UGT1A6: variants seen among roughly 807,000 people sequenced by gnomAD.
UGT1A6 encodes UDP-glucuronosyltransferase 1A6.
Under a neutral mutation model 44.4 loss-of-function variants are expected in UGT1A6, and 32 were observed. The ratio of observed to expected loss-of-function variants is 0.72; its 90% CI spans 0.54 to 0.97. UGT1A6 has a LOEUF of 0.97. UGT1A6 is among the 50% of genes least tolerant of loss of function. The probability of loss-of-function intolerance (pLI) is 0.00; values close to 1 mark genes in which losing one functional copy is unlikely to be tolerated. For synonymous variants in UGT1A6, 238 were observed against 248.5 expected (o/e 0.96, Z 0.40); for missense variants, 685 against 661.9 (o/e 1.03, Z -0.38).
In UGT1A6 at chr2:233,769,569, G is replaced by A; in HGVS notation, c.1301+1130G>A. ...TCAGGAAGACAGATGTGAAGAGCTG[G>A]AGCATGTTCAGATGAGAGGAGACGG... On this transcript the variant is annotated intron_variant, in intron 4 of 4. Transcript: ENST00000305139. The surrounding 1 kb of genome is among the most constrained non-coding windows in gnomAD (Gnocchi z 4.4). The A allele has an allele frequency of 1.2e-6, 2 of 1,612,870 alleles. No individual in the cohort carries two copies. The highest frequency in any genetic ancestry group is 2.2e-5 in the South Asian group (2 of 91,064).
chr2:233,695,621 C>A (rs1180355344), intron 1 of UGT1A6, among the ~76,000 whole-genome samples: 1 of 152,022 alleles, frequency 6.6e-6, no homozygotes, highest in African/African-American at 2.4e-5. Context: ...GAACTCTCTA[C>A]CTCCATGAGA....
Position 233,728,434 on chromosome 2 carries a change from T to C in UGT1A6, c.861+34569T>C, listed in dbSNP as rs547972941. On this transcript the variant is annotated intron_variant, in intron 1 of 4. Transcript: ENST00000305139. ...GATAGCAGCACCTCTTCTTCCATGG[T>C]GTATATGGAGAATCCTCAACAAAGT... Among the ~76,000 whole-genome samples, 3 of 152,272 alleles carry C rather than the reference T, an allele frequency of 2.0e-5. No homozygotes were observed. In the East Asian group the frequency reaches 5.8e-4, roughly 29 times the overall value.
At chr2:233,771,408 T>C (rs1454905857) in intron 4 of UGT1A6, 2 of 152,208 alleles carry the variant, frequency 1.3e-5, no homozygotes, top group Non-Finnish European at 2.9e-5. Context: ...ATGAACACTG[T>C]CCAGAATAAA....
At chr2:233,743,936 C>A in intron 1 of UGT1A6, 1 of 1,355,864 alleles carries the variant, frequency 7.4e-7, no homozygotes, top group Non-Finnish European at 9.9e-7. Flanking sequence ...CCAGAACGGC[C>A]CACCAGGCAC....
chr2:233,769,826 G>A lies in UGT1A6; in HGVS notation c.1301+1387G>A. ...GCCGTGATCATGCCACTGCACTCCA[G>A]CAACCTGGGCAACAGAGTGAGACCC... On this transcript the variant is annotated intron_variant, in intron 4 of 4. Transcript: ENST00000305139. This position sits in a 1 kb window ranked among gnomAD's most constrained non-coding sequence, Gnocchi z 4.4. 1.5e-6 allele frequency: 1 copy of A among 678,694 alleles called. No individual in the cohort carries two copies. Among genetic ancestry groups the A allele is most frequent in the East Asian group, 3.3e-5 (1 of 29,888 alleles). The allele number at this position is 678,694 out of a possible 1,614,324, so 42.0% of individuals were successfully genotyped here.
chr2:233,718,961 C>T, intron 1 of UGT1A6: 1 of 1,614,218 alleles, frequency 6.2e-7, no homozygotes, highest in South Asian at 1.1e-5. Context: ...TGCGGGAGGC[C>T]TTGCGGGAGC....
chr2:233,762,115 C>A (rs1697973235), intron 1 of UGT1A6, among the ~76,000 whole-genome samples: 1 of 152,304 alleles, frequency 6.6e-6, no homozygotes, highest in South Asian at 2.1e-4. Flanking sequence ...CGCTTCACAT[C>A]ATGAGCCATG....
intron 1 of UGT1A6, among the ~76,000 whole-genome samples, chr2:233,714,805 A>G (rs1160418646): frequency 6.6e-6 from 1 of 152,250 alleles, no homozygotes; most frequent in Non-Finnish European, 1.5e-5. Flanking sequence ...CTCAATATTC[A>G]TATGTAGTTA....
intron 1 of UGT1A6, chr2:233,729,503 G>T: frequency 1.2e-6 from 2 of 1,614,172 alleles, no homozygotes; most frequent in Non-Finnish European, 1.7e-6. Context: ...GTCTATCATA[G>T]GTCTTGTGTG....
At chr2:233,696,454 G>T (rs1177570057) in intron 1 of UGT1A6, among the ~76,000 whole-genome samples, 1 of 152,112 alleles carries the variant, frequency 6.6e-6, no homozygotes, top group Non-Finnish European at 1.5e-5. Context: ...AAATGCTACT[G>T]ATTTTTGTAA....
intron 1 of UGT1A6, chr2:233,760,208 A>G: frequency 6.3e-7 from 1 of 1,589,248 alleles, no homozygotes; most frequent in Non-Finnish European, 8.5e-7. Flanking sequence ...TCAAACATTA[A>G]CTTGGTGTAT....
At chr2:233,713,500 T>C (rs747145131) in intron 1 of UGT1A6, 1 of 1,614,018 alleles carries the variant, frequency 6.2e-7, no homozygotes, top group East Asian at 2.2e-5. Flanking sequence ...ATTCCTGCTG[T>C]GTTTTTCTTG....
At chr2:233,767,515 T>G (rs1699410322) in intron 2 of UGT1A6, among the ~76,000 whole-genome samples, 1 of 152,264 alleles carries the variant, frequency 6.6e-6, no homozygotes, top group Admixed American at 6.5e-5. Flanking sequence ...GTTAGAACAC[T>G]GAATTTATGT....
intron 1 of UGT1A6, chr2:233,755,135 T>A (rs1342380152): frequency 7.6e-7 from 1 of 1,315,532 alleles, no homozygotes; most frequent in African/African-American, 1.5e-5. Flanking sequence ...CCTGCTTGAA[T>A]CTTCTCACCG....
chr2:233,729,015 A>G, intron 1 of UGT1A6: 2 of 1,589,624 alleles, frequency 1.3e-6, no homozygotes, highest in Non-Finnish European at 1.7e-6. Context: ...CTGTCTTCCA[A>G]TTACACGTTG....
chr2:233,720,855 G>A (rs1361240386), intron 1 of UGT1A6, among the ~76,000 whole-genome samples: 4 of 149,664 alleles, frequency 2.7e-5, no homozygotes, highest in Non-Finnish European at 5.9e-5. Flanking sequence ...GCAGGCATGT[G>A]CCACTGCTCC....
chr2:233,731,991 A>G (rs989443870), intron 1 of UGT1A6, among the ~76,000 whole-genome samples: 3 of 152,160 alleles, frequency 2.0e-5, no homozygotes, highest in Non-Finnish European at 2.9e-5. Context: ...CTGGCGTGAG[A>G]TGGTATCTCA....
At position 233,693,360 on chromosome 2, in the gene UGT1A6, T is replaced by C. The variant is rs1395029854; in HGVS notation, c.356T>C (p.Ile119Thr). ...GAGTACAGGAATAACATGATTGTTATTGGCCTGTACTTCATCAACTGCCAG... is the reference window on the plus strand; with the variant it reads ...GAGTACAGGAATAACATGATTGTTACTGGCCTGTACTTCATCAACTGCCAG... Reference protein sequence around the residue: ...QTEYRNNMIVIGLYFINCQSL... With the variant: ...QTEYRNNMIVTGLYFINCQSL... The change falls in exon 1 of 5, where the codon ATT (isoleucine) becomes ACT (threonine). Residue 119 changes from isoleucine to threonine, a missense_variant. Coordinates refer to ENST00000305139, the MANE Select transcript of UGT1A6 (RefSeq NM_001072.4). 1.2e-5 allele frequency: 19 copies of C among 1,614,090 alleles called. No homozygotes were observed. The highest frequency in any genetic ancestry group is 1.6e-5 in the Non-Finnish European group (19 of 1,180,054).
intron 1 of UGT1A6, among the ~76,000 whole-genome samples, chr2:233,749,903 C>T (rs1384807685): frequency 6.6e-6 from 1 of 151,914 alleles, no homozygotes; most frequent in Non-Finnish European, 1.5e-5. Flanking sequence ...CCTCCAGCCA[C>T]CTGGAACTGT....
Sources: allele counts gnomAD v4.1 joint callset (sites outside exome capture counted in the v4.1 genomes callset), GRCh38; gene constraint gnomAD v4.1.1; non-coding constraint Gnocchi (gnomAD v3.1); transcripts MANE v1.5; gene names NCBI Gene and HGNC (gene_info 2026-07-23, HGNC 2026-07-21).